Variants in SNTG2 observed in about 807,000 individuals in gnomAD.
The protein encoded by SNTG2 is syntrophin gamma 2, also known as gamma-2-syntrophin.
A neutral mutation model predicts 70.9 loss-of-function variants in SNTG2; 74 were observed. The observed-to-expected ratio is 1.04, with a 90% CI of 0.86 to 1.27. SNTG2 has a LOEUF of 1.27. Ranked by LOEUF, SNTG2 falls within the 50% of genes most tolerant of loss-of-function variation. The probability of loss-of-function intolerance (pLI) is 0.00; values close to 1 mark genes in which losing one functional copy is unlikely to be tolerated. For synonymous variants in SNTG2, 278 were observed against 273.8 expected (o/e 1.02, Z -0.15); for missense variants, 717 against 690.7 (o/e 1.04, Z -0.43).
intron 16 of SNTG2, among the ~76,000 whole-genome samples, chr2:1,342,021 T>C (rs1218067436): frequency 6.6e-6 from 1 of 152,136 alleles, no homozygotes; most frequent in Admixed American, 6.6e-5. Context: ...TGTTTTATTT[T>C]CTTTTAATGA....
chr2:1,332,536 T>C (rs1024171414), intron 16 of SNTG2, among the ~76,000 whole-genome samples: 12 of 152,316 alleles, frequency 7.9e-5, no homozygotes, highest in African/African-American at 2.2e-4. Flanking sequence ...AAGAAAATTA[T>C]GCTAATAATT....
intron 16 of SNTG2, among the ~76,000 whole-genome samples, chr2:1,340,735 G>A (rs1054649787): frequency 6.6e-6 from 1 of 152,050 alleles, no homozygotes; most frequent in Non-Finnish European, 1.5e-5. Flanking sequence ...TCCTAGGTTT[G>A]CTATTATTTC....
At chr2:1,155,916 T>C (rs1445784901) in intron 6 of SNTG2, among the ~76,000 whole-genome samples, 1 of 152,040 alleles carries the variant, frequency 6.6e-6, no homozygotes, top group Non-Finnish European at 1.5e-5. Context: ...CTGCTCCCCA[T>C]GGACCCCAGC....
chr2:1,101,096 A>T (rs563146584), intron 4 of SNTG2, among the ~76,000 whole-genome samples: 21 of 152,280 alleles, frequency 1.4e-4, no homozygotes, highest in Non-Finnish European at 2.2e-4. Context: ...TGGAAGCTTC[A>T]CAAGTAACTC....
chr2:1,351,053 G>A (rs187482624), intron 16 of SNTG2, among the ~76,000 whole-genome samples: 330 of 151,942 alleles, frequency 2.2e-3, no homozygotes, highest in African/African-American at 7.5e-3. Context: ...GATAAGTGTA[G>A]GAGTTATTTA....
chr2:1,038,607 A>G (rs1661262361), intron 1 of SNTG2, among the ~76,000 whole-genome samples: 1 of 152,226 alleles, frequency 6.6e-6, no homozygotes, highest in Non-Finnish European at 1.5e-5. Flanking sequence ...GATAAGATAA[A>G]TCTTAGCTAT....
intron 1 of SNTG2, among the ~76,000 whole-genome samples, chr2:970,805 A>T (rs1660715568): frequency 6.6e-6 from 1 of 152,016 alleles, no homozygotes. Context: ...GGCTGGGTCA[A>T]ATGGTATTTC....
intron 9 of SNTG2, among the ~76,000 whole-genome samples, chr2:1,216,417 G>C (rs551362382): frequency 6.6e-6 from 1 of 152,154 alleles, no homozygotes; most frequent in African/African-American, 2.4e-5. Context: ...TTTTTTTCTT[G>C]TAAATTTGTT....
At chr2:1,141,742 G>A (rs115096463) in intron 6 of SNTG2, among the ~76,000 whole-genome samples, 1,658 of 152,266 alleles carry the variant, frequency 0.011, 31 homozygotes, top group African/African-American at 0.038. Context: ...AGACACCAAC[G>A]TGGAGGTTCC....
In SNTG2 at chr2:960,741, G is replaced by A. The variant is rs146481139; in HGVS notation, c.72+9673G>A. On this transcript the variant is annotated intron_variant, in intron 1 of 16. Transcript: ENST00000308624. ...GGGGTGCTCCTACTGCCTGCTCATG[G>A]GAGCACGGTGAGCTCTGAGGGTTCC... Among the ~76,000 whole-genome samples the A allele has an allele frequency of 7.5e-3, 1,116 of 148,438 alleles. 21 individuals carry two copies. Among genetic ancestry groups the A allele is most frequent in the African/African-American group, 0.026 (1,058 of 40,012 alleles).
chr2:1,297,669 G>A (rs901331984), intron 14 of SNTG2, among the ~76,000 whole-genome samples: 2 of 152,186 alleles, frequency 1.3e-5, no homozygotes, highest in African/African-American at 2.4e-5. Flanking sequence ...CTTGTAGGTC[G>A]TTTTCCAGCC....
intron 16 of SNTG2, among the ~76,000 whole-genome samples, chr2:1,335,702 A>G (rs1034846299): frequency 1.6e-4 from 25 of 151,952 alleles, no homozygotes; most frequent in African/African-American, 5.6e-4. Context: ...TCTGGATTGA[A>G]CACCGAGAAA....
At chr2:1,114,133 CTAAG>C (rs922145734) in intron 4 of SNTG2, among the ~76,000 whole-genome samples, 3 of 149,740 alleles carry the variant, frequency 2.0e-5, no homozygotes, top group Non-Finnish European at 4.4e-5. Flanking sequence ...ATCGTGTGTA[CTAAG>C]TGAGGTTTAA....
intron 4 of SNTG2, among the ~76,000 whole-genome samples, chr2:1,103,905 T>C (rs1353938534): frequency 1.3e-5 from 2 of 152,204 alleles, no homozygotes; most frequent in East Asian, 1.9e-4. Flanking sequence ...GCATGTACAT[T>C]ATAGTCGGAG....
chr2:1,326,806 A>G (rs955249022), intron 16 of SNTG2, among the ~76,000 whole-genome samples: 2 of 152,204 alleles, frequency 1.3e-5, no homozygotes, highest in Non-Finnish European at 2.9e-5. Context: ...TAAAATTTTC[A>G]TAAATATTTT....
chr2:1,190,643 A>C (rs898402628), intron 8 of SNTG2, among the ~76,000 whole-genome samples: 2 of 150,946 alleles, frequency 1.3e-5, no homozygotes, highest in African/African-American at 4.9e-5. Context: ...CAATTACAAT[A>C]AAGGACAGCA....
At chr2:1,078,700 C>T (rs1403494701) in intron 1 of SNTG2, among the ~76,000 whole-genome samples, 1 of 152,158 alleles carries the variant, frequency 6.6e-6, no homozygotes, top group Middle Eastern at 3.4e-3. Context: ...CCAGCTGTGA[C>T]CTTAAGAATA....
At chr2:1,219,510 C>T (rs1252323481) in intron 9 of SNTG2, among the ~76,000 whole-genome samples, 1 of 152,212 alleles carries the variant, frequency 6.6e-6, no homozygotes, top group Non-Finnish European at 1.5e-5. Flanking sequence ...CTGTGCATCA[C>T]TTTGCAACTC....
chr2:1,001,667 A>G (rs746910604), intron 1 of SNTG2, among the ~76,000 whole-genome samples: 6 of 152,046 alleles, frequency 3.9e-5, no homozygotes, highest in Non-Finnish European at 8.8e-5. Context: ...AAAAAAATCA[A>G]TATTATTAAA....
Sources: gnomAD v4.1 joint callset for allele counts (sites outside exome capture counted in the v4.1 genomes callset) on GRCh38, gnomAD v4.1.1 for gene constraint, MANE v1.5 for transcripts, NCBI Gene and HGNC (gene_info 2026-07-23, HGNC 2026-07-21) for gene names.